Variants in NEURL1 observed in about 807,000 individuals in gnomAD.
NEURL1 encodes the protein neuralized E3 ubiquitin protein ligase 1, also known as E3 ubiquitin-protein ligase NEURL1.
Under a neutral mutation model 41.2 loss-of-function variants are expected in NEURL1, and 26 were observed. The ratio of observed to expected loss-of-function variants is 0.63; its 90% confidence interval spans 0.46 to 0.87. NEURL1 has a LOEUF of 0.87. Ranked by LOEUF, NEURL1 falls within the 40% of genes least tolerant of loss-of-function variation. The pLI is 0.00. For synonymous variants in NEURL1, 400 were observed against 402.3 expected (o/e 0.99, Z 0.07); for missense variants, 761 against 871.1 (o/e 0.87, Z 1.59).
At chr10:103,543,866 T>G (rs1592210203) in intron 1 of NEURL1, among the ~76,000 whole-genome samples, 5 of 151,254 alleles carry the variant, frequency 3.3e-5, no homozygotes, top group African/African-American at 1.2e-4. Flanking sequence ...ACAAGTGATG[T>G]GCCATGTTCT....
intron 1 of NEURL1, among the ~76,000 whole-genome samples, chr10:103,498,080 G>A (rs2033729345): frequency 6.6e-6 from 1 of 152,202 alleles, no homozygotes; most frequent in African/African-American, 2.4e-5. Context: ...TATGTATATG[G>A]AAGTTATGTA....
intron 1 of NEURL1, among the ~76,000 whole-genome samples, chr10:103,503,853 T>C (rs2033883599): frequency 7.3e-6 from 1 of 136,210 alleles, no homozygotes; most frequent in South Asian, 2.8e-4. Context: ...TGCAGTGGCG[T>C]GATCACAGCT....
At chr10:103,544,228 C>A (rs953887822) in intron 1 of NEURL1, among the ~76,000 whole-genome samples, 6 of 152,156 alleles carry the variant, frequency 3.9e-5, no homozygotes, top group African/African-American at 1.4e-4. Flanking sequence ...GGGCTGACAC[C>A]AGATTTCCGG....
chr10:103,583,443 T>C (rs1046789967), intron 3 of NEURL1, among the ~76,000 whole-genome samples: 2 of 151,782 alleles, frequency 1.3e-5, no homozygotes, highest in African/African-American at 4.8e-5. Context: ...CAGCTGGGTG[T>C]GGTGGCTCAC....
chr10:103,585,728 G>A (rs2035908616), intron 4 of NEURL1, among the ~76,000 whole-genome samples: 1 of 151,988 alleles, frequency 6.6e-6, no homozygotes, highest in Admixed American at 6.5e-5. Flanking sequence ...CAGCTACTCG[G>A]GAGGCTGAGG....
intron 1 of NEURL1, among the ~76,000 whole-genome samples, chr10:103,535,887 C>T (rs940234592): frequency 2.6e-5 from 4 of 152,146 alleles, no homozygotes; most frequent in South Asian, 2.1e-4. Context: ...GAGCAAGATG[C>T]GCTCCAGCTG....
At chr10:103,527,804 C>T (rs953843504) in intron 1 of NEURL1, among the ~76,000 whole-genome samples, 7 of 152,188 alleles carry the variant, frequency 4.6e-5, no homozygotes, top group African/African-American at 1.7e-4. Context: ...ACCCTTAATC[C>T]TATGGGTTGT....
chr10:103,501,877 G>GCCCGTCTCGGCCTC (rs1378076739), intron 1 of NEURL1, among the ~76,000 whole-genome samples: 2 of 152,020 alleles, frequency 1.3e-5, no homozygotes, highest in Non-Finnish European at 2.9e-5. Context: ...CAGGAGGTCT[G>GCCCGTCTCGGCCTC]CCCGTCTCGG....
At chr10:103,533,825 C>T (rs565107436) in intron 1 of NEURL1, among the ~76,000 whole-genome samples, 35 of 152,146 alleles carry the variant, frequency 2.3e-4, no homozygotes, top group South Asian at 1.0e-3. Context: ...CTTGAGCCAC[C>T]GCTCCCGGCC....
rs530400551 is a variant in NEURL1, at chr10:103,564,434, C to T, written c.86-6438C>T. On this transcript the variant is annotated intron_variant, in intron 1 of 5. Transcript: ENST00000369780. ...CTGTAGAGCAGTTGTGCAGCCCACA[C>T]GCCCCCCCCATTTTGAGGCACTTTG... Among the ~76,000 whole-genome samples, 299 of 152,164 alleles carry T rather than the reference C, an allele frequency of 2.0e-3. 1 individual carries two copies. The highest frequency in any genetic ancestry group is 6.9e-3 in the African/African-American group (288 of 41,538).
rs1265580748 is a variant in NEURL1, at chr10:103,508,667, C to A, written c.85+14195C>A. Among the ~76,000 whole-genome samples the A allele has an allele frequency of 1.3e-5, 2 of 152,322 alleles. No homozygotes were observed. Among genetic ancestry groups the A allele is most frequent in the South Asian group, 4.2e-4 (2 of 4,814 alleles). On this transcript the variant is annotated intron_variant, in intron 1 of 5. Transcript: ENST00000369780. The surrounding 1 kb of genome is among the most constrained non-coding windows in gnomAD (Gnocchi z 4.3). The stretch of plus-strand genomic sequence containing the variant: ...GATCTGTGGGACTGAGGAGACCAGC[C>A]AGACATGCAGACCCTGATGTGGGCC...
Position 103,567,856 on chromosome 10 carries a change from C to T in NEURL1, c.86-3016C>T, listed in dbSNP as rs553069940. Among the ~76,000 whole-genome samples the T allele has an allele frequency of 1.5e-4, 23 of 152,258 alleles. No individual in the cohort carries two copies. In the South Asian group the frequency reaches 2.1e-3, roughly 14 times the overall value. On this transcript the variant is annotated intron_variant, in intron 1 of 5. Coordinates refer to ENST00000369780, the MANE Select transcript of NEURL1 (RefSeq NM_004210.5). ...GTAAATTGGTTGATAATAAGTTTGC[C>T]GTAAGAGTGAAACCAGTAAGTGTAT... is the stretch of plus-strand genomic sequence containing the variant.
intron 3 of NEURL1, among the ~76,000 whole-genome samples, chr10:103,573,492 A>G: frequency 6.6e-6 from 1 of 152,008 alleles, no homozygotes; most frequent in East Asian, 1.9e-4. Context: ...ATTTGTCCCC[A>G]CCCATTCTGG....
chr10:103,547,164 G>T (rs1359493885), intron 1 of NEURL1, among the ~76,000 whole-genome samples: 1 of 152,244 alleles, frequency 6.6e-6, no homozygotes, highest in Non-Finnish European at 1.5e-5. Flanking sequence ...TGGACACTTA[G>T]TAGATGTTAG....
chr10:103,499,952 G>C, intron 1 of NEURL1, among the ~76,000 whole-genome samples: 1 of 152,168 alleles, frequency 6.6e-6, no homozygotes, highest in East Asian at 1.9e-4. Context: ...GGATATTCAA[G>C]GTCTCCATTC....
At chr10:103,580,172 G>T (rs1031255691) in intron 3 of NEURL1, among the ~76,000 whole-genome samples, 7 of 151,988 alleles carry the variant, frequency 4.6e-5, no homozygotes, top group Non-Finnish European at 8.8e-5. Flanking sequence ...TTTTGCTCTG[G>T]CCCAGGGTGT....
chr10:103,531,854 T>G (rs1177711048), intron 1 of NEURL1, among the ~76,000 whole-genome samples: 1 of 152,172 alleles, frequency 6.6e-6, no homozygotes, highest in Non-Finnish European at 1.5e-5. Flanking sequence ...AATTTATGCT[T>G]TATATATCTG....
intron 1 of NEURL1, among the ~76,000 whole-genome samples, chr10:103,548,810 G>A (rs1353548232): frequency 2.0e-5 from 3 of 152,102 alleles, no homozygotes; most frequent in Non-Finnish European, 2.9e-5. Flanking sequence ...CAAGTTTCTG[G>A]GCCATGTGAT....
At chr10:103,522,411 C>T (rs1019154025) in intron 1 of NEURL1, among the ~76,000 whole-genome samples, 2 of 151,044 alleles carry the variant, frequency 1.3e-5, no homozygotes, top group Admixed American at 1.3e-4. Flanking sequence ...AGTTCGAGAC[C>T]AGCCTGACCA....
Sources: gnomAD v4.1 joint callset for allele counts (sites outside exome capture counted in the v4.1 genomes callset) on GRCh38, gnomAD v4.1.1 for gene constraint, Gnocchi (gnomAD v3.1) non-coding constraint, MANE v1.5 for transcripts, NCBI Gene and HGNC (gene_info 2026-07-23, HGNC 2026-07-21) for gene names.